Variants in SHISA9 observed in about 807,000 individuals in gnomAD.
The protein encoded by SHISA9 is protein shisa-9.
SHISA9 carries 13 observed loss-of-function variants against 38.0 expected under a neutral mutation model. The ratio of observed to expected loss-of-function variants is 0.34; its 90% confidence interval spans 0.22 to 0.54. The LOEUF is 0.54. SHISA9 is among the 20% of genes least tolerant of loss of function. The pLI, the probability that SHISA9 is intolerant of heterozygous loss-of-function variation, is 0.91. For missense variants in SHISA9, 538 were observed against 575.8 expected (o/e 0.93, Z 0.67); for synonymous variants, 275 against 242.0 (o/e 1.14, Z -1.27).
chr16:13,050,313 C>A (rs562047769), intron 2 of SHISA9, among the ~76,000 whole-genome samples: 3 of 151,806 alleles, frequency 2.0e-5, no homozygotes, highest in Non-Finnish European at 2.9e-5. Flanking sequence ...TACTTGTTCA[C>A]AGTTTTATAT....
rs188720495 is a variant in SHISA9, at chr16:12,995,055, T to A, written c.691+78240T>A. Among the ~76,000 whole-genome samples, 786 of 151,668 alleles carry A rather than the reference T, an allele frequency of 5.2e-3. 4 individuals are homozygous for A. The highest frequency in any genetic ancestry group is 8.0e-3 in the Non-Finnish European group (543 of 67,876). ...TTATTTGGGCCAGTATTTTTTTTTT[T>A]AAAATAAAAAAATTAATTAATTTTT... On this transcript the variant is annotated intron_variant, in intron 2 of 4. Coordinates refer to ENST00000558583, the MANE Select transcript of SHISA9 (RefSeq NM_001145204.3).
At chr16:13,102,084 C>CCCCT (rs1245173023) in intron 2 of SHISA9, among the ~76,000 whole-genome samples, 4 of 152,194 alleles carry the variant, frequency 2.6e-5, no homozygotes, top group Non-Finnish European at 5.9e-5. Flanking sequence ...CCCCGACTGT[C>CCCCT]CCCTCCCTCC....
chr16:12,925,882 G>A (rs1252607988), intron 2 of SHISA9, among the ~76,000 whole-genome samples: 4 of 151,916 alleles, frequency 2.6e-5, no homozygotes, highest in Admixed American at 6.6e-5. Flanking sequence ...TGCTCTTTTT[G>A]GTATTATTAT....
intron 2 of SHISA9, among the ~76,000 whole-genome samples, chr16:13,118,815 C>T (rs1195422327): frequency 6.7e-6 from 1 of 150,264 alleles, no homozygotes; most frequent in Non-Finnish European, 1.5e-5. Flanking sequence ...CTGCAACCTC[C>T]ACCTCACGGG....
intron 2 of SHISA9, among the ~76,000 whole-genome samples, chr16:12,956,941 A>T (rs1469389555): frequency 6.6e-6 from 1 of 152,230 alleles, no homozygotes; most frequent in African/African-American, 2.4e-5. Context: ...TATGTTTATT[A>T]ACAATAATGT....
intron 4 of SHISA9, among the ~76,000 whole-genome samples, chr16:13,230,832 C>T (rs748201548): frequency 3.3e-5 from 5 of 152,116 alleles, no homozygotes; most frequent in Admixed American, 6.5e-5. Context: ...ATTTATGCCT[C>T]GCCTTTTTCG....
chr16:13,047,414 G>A (rs1443204550), intron 2 of SHISA9, among the ~76,000 whole-genome samples: 1 of 152,010 alleles, frequency 6.6e-6, no homozygotes, highest in African/African-American at 2.4e-5. Flanking sequence ...AACATATCCA[G>A]CCCCAGATTG....
intron 2 of SHISA9, among the ~76,000 whole-genome samples, chr16:13,027,246 C>T (rs2072934032): frequency 1.3e-5 from 2 of 152,176 alleles, no homozygotes; most frequent in African/African-American, 4.8e-5. Context: ...CATCAATATT[C>T]TTTCAGTTAT....
the SHISA9 span, among the ~76,000 whole-genome samples, chr16:13,465,287 C>A: frequency 6.6e-6 from 1 of 152,192 alleles, no homozygotes; most frequent in African/African-American, 2.4e-5. Context: ...ACAGTCACCC[C>A]AGTTGAGGAC....
At chr16:13,094,768 C>T (rs1220792863) in intron 2 of SHISA9, among the ~76,000 whole-genome samples, 3 of 152,136 alleles carry the variant, frequency 2.0e-5, no homozygotes, top group Non-Finnish European at 4.4e-5. Flanking sequence ...AGGGCATGGC[C>T]TTTATGGTTA....
At chr16:13,383,020 C>G in the SHISA9 span, among the ~76,000 whole-genome samples, 1 of 152,160 alleles carries the variant, frequency 6.6e-6, no homozygotes, top group Non-Finnish European at 1.5e-5. Flanking sequence ...AGGCACTATT[C>G]TAGGCTTTGG....
rs977695276 is a variant in SHISA9 at position 13,038,769 on chromosome 16, C to T, written c.691+121954C>T. On this transcript the variant is annotated intron_variant, in intron 2 of 4. Transcript: ENST00000558583. Reference sequence around the variant, plus strand: ...TCTCTTCCTCACTAGACCTTAAGCTCCACAGAGGCAAAGACTACATATCAT... The same window carrying T: ...TCTCTTCCTCACTAGACCTTAAGCTTCACAGAGGCAAAGACTACATATCAT... Among the ~76,000 whole-genome samples, 10 of 152,298 alleles carry T rather than the reference C, an allele frequency of 6.6e-5. No homozygotes were observed. In the East Asian group the frequency reaches 7.7e-4, roughly 12 times the overall value.
intron 2 of SHISA9, among the ~76,000 whole-genome samples, chr16:12,920,976 CTT>C (rs1354392650): frequency 6.6e-6 from 1 of 152,196 alleles, no homozygotes; most frequent in Non-Finnish European, 1.5e-5. Flanking sequence ...ATTACAAAGA[CTT>C]TACTGCCACA....
At chr16:13,507,739 G>A in the SHISA9 span, among the ~76,000 whole-genome samples, 9 of 152,120 alleles carry the variant, frequency 5.9e-5, no homozygotes, top group Non-Finnish European at 8.8e-5. Flanking sequence ...GATTCAGGTC[G>A]GGCATGTCTG....
chr16:13,463,411 G>A, the SHISA9 span, among the ~76,000 whole-genome samples: 3 of 152,170 alleles, frequency 2.0e-5, no homozygotes, highest in African/African-American at 4.8e-5. Flanking sequence ...AACACAGAGA[G>A]GAGTCTGGAA....
At chr16:13,111,073 C>A (rs1382616844) in intron 2 of SHISA9, among the ~76,000 whole-genome samples, 1 of 152,060 alleles carries the variant, frequency 6.6e-6, no homozygotes, top group Non-Finnish European at 1.5e-5. Flanking sequence ...AAATTTAAGA[C>A]CGAAAGCCAT....
intron 2 of SHISA9, among the ~76,000 whole-genome samples, chr16:13,122,577 C>A (rs1192710938): frequency 1.3e-5 from 2 of 152,044 alleles, no homozygotes; most frequent in African/African-American, 4.8e-5. Flanking sequence ...GTTATTCAAC[C>A]CCAGTTTTCT....
In SHISA9 at chr16:13,226,631, C is replaced by T. The variant is rs1487278941; in HGVS notation, c.896-8399C>T. On this transcript the variant is annotated intron_variant, in intron 4 of 4. Transcript: ENST00000558583. ...GTTGCTGAGCATAGCAACCATTTAT[C>T]GAGATCATGATTCTGGGTCAACGGA... Among the ~76,000 whole-genome samples the T allele has an allele frequency of 7.2e-5, 11 of 152,204 alleles. No individual in the cohort carries two copies. In the South Asian group the frequency reaches 1.5e-3, roughly 20 times the overall value.
chr16:13,216,222 G>A (rs892330242), intron 4 of SHISA9, among the ~76,000 whole-genome samples: 2 of 146,074 alleles, frequency 1.4e-5, no homozygotes, highest in East Asian at 4.1e-4. Context: ...AGACAATTTG[G>A]ATATGATGGG....
Sources: allele counts gnomAD v4.1 joint callset (sites outside exome capture counted in the v4.1 genomes callset), GRCh38; gene constraint gnomAD v4.1.1; transcripts MANE v1.5; gene names NCBI Gene and HGNC (gene_info 2026-07-23, HGNC 2026-07-21).